SLC2A13: variants seen among roughly 807,000 people sequenced by gnomAD.
SLC2A13 encodes proton myo-inositol cotransporter.
Under a neutral mutation model 64.4 loss-of-function variants are expected in SLC2A13, and 32 were observed. The ratio of observed to expected loss-of-function variants is 0.50; its 90% CI spans 0.37 to 0.67. The LOEUF (loss-of-function observed/expected upper bound fraction) is 0.67, where lower values mean the gene tolerates loss of function less well. Among genes scored for constraint, SLC2A13 ranks in the 30% least tolerant of loss-of-function variants. The probability of loss-of-function intolerance (pLI) is 0.00; values close to 1 mark genes in which losing one functional copy is unlikely to be tolerated. For synonymous variants in SLC2A13, 338 were observed against 327.1 expected (o/e 1.03, Z -0.36); for missense variants, 743 against 829.2 (o/e 0.90, Z 1.28).
At chr12:39,764,436 A>G in intron 9 of SLC2A13, 24 bp downstream of exon 9, 2 of 1,529,230 alleles carry the variant, frequency 1.3e-6, no homozygotes, top group Non-Finnish European at 1.8e-6. Flanking sequence ...AAACAAAACT[A>G]TGTTAGAAAA....
intron 4 of SLC2A13, among the ~76,000 whole-genome samples, chr12:39,926,284 C>G (rs1278784857): frequency 6.6e-6 from 1 of 151,996 alleles, no homozygotes; most frequent in Non-Finnish European, 1.5e-5. Context: ...TGATAAATAT[C>G]TCTTTAGTCC....
rs1444523277 is a variant in SLC2A13, at chr12:40,037,368, C to A, written c.717-8859G>T. Among the ~76,000 whole-genome samples, 4 of 152,166 alleles carry A rather than the reference C, an allele frequency of 2.6e-5. No homozygotes were observed. The East Asian group carries it at 5.8e-4, about 22-fold the overall frequency. On this transcript the variant is annotated intron_variant, in intron 2 of 9. Transcript: ENST00000280871. ...GTGCAGTGGCCCACACCTCTAATCTCAGCAATTTGGTAGGCTGCAGTGGGT... is the reference window on the plus strand; with the variant it reads ...GTGCAGTGGCCCACACCTCTAATCTAAGCAATTTGGTAGGCTGCAGTGGGT...
chr12:39,996,713 C>T (rs1167464071), intron 3 of SLC2A13, among the ~76,000 whole-genome samples: 2 of 152,300 alleles, frequency 1.3e-5, no homozygotes, highest in East Asian at 1.9e-4. Context: ...AATCTTCAAG[C>T]CTTGGCACCT....
chr12:39,800,173 C>T (rs1425620836), intron 7 of SLC2A13, among the ~76,000 whole-genome samples: 1 of 152,144 alleles, frequency 6.6e-6, no homozygotes, highest in Non-Finnish European at 1.5e-5. Flanking sequence ...AAATCCTTGG[C>T]ATTTTTGCAG....
At chr12:39,812,996 A>ATTTTT (rs71449493) in intron 7 of SLC2A13, among the ~76,000 whole-genome samples, 19,851 of 40,442 alleles carry the variant, frequency 0.49, 8,913 homozygotes, top group East Asian at 0.55. Context: ...TGCCCAGCTA[A>ATTTTT]TTTTTTTTTT....
Position 40,094,211 on chromosome 12 carries a change from A to T in SLC2A13, c.556+11042T>A, listed in dbSNP as rs558886974. Reference sequence around the variant, plus strand: ...GGAGGAATGCTCTGACCTGCTAAGCAGGAGATGGTGGACAAAACAGGGAAG... The same window carrying T: ...GGAGGAATGCTCTGACCTGCTAAGCTGGAGATGGTGGACAAAACAGGGAAG... On this transcript the variant is annotated intron_variant, in intron 1 of 9. Coordinates refer to ENST00000280871, the MANE Select transcript of SLC2A13 (RefSeq NM_052885.4). 1.2e-4 allele frequency among the ~76,000 whole-genome samples: 18 copies of T among 152,360 alleles called. No homozygotes were observed. In the South Asian group the frequency reaches 3.7e-3, roughly 32 times the overall value.
chr12:39,941,268 T>A (rs766090641), intron 4 of SLC2A13, among the ~76,000 whole-genome samples: 8 of 152,158 alleles, frequency 5.3e-5, no homozygotes, highest in Non-Finnish European at 4.4e-5. Context: ...AATGACTTAT[T>A]TTCCTCTGGG....
chr12:39,904,606 C>G (rs1945217699), intron 4 of SLC2A13, among the ~76,000 whole-genome samples: 1 of 152,092 alleles, frequency 6.6e-6, no homozygotes, highest in Non-Finnish European at 1.5e-5. Flanking sequence ...GATATCCACA[C>G]AGATGTTGCA....
At chr12:39,948,975 G>A (rs1946184876) in intron 4 of SLC2A13, among the ~76,000 whole-genome samples, 1 of 152,062 alleles carries the variant, frequency 6.6e-6, no homozygotes, top group African/African-American at 2.4e-5. Context: ...CCTTAATCTT[G>A]AGAATAATGG....
rs535721683 is a variant in SLC2A13 at position 40,100,837 on chromosome 12, C to T, written c.556+4416G>A. 3.3e-5 allele frequency among the ~76,000 whole-genome samples: 5 copies of T among 151,764 alleles called. No individual in the cohort carries two copies. The East Asian group carries it at 7.8e-4, about 24-fold the overall frequency. ...AAATTAGCTGGGTGTGGTGGGCAGG[C>T]GCCTGTAATCCCAGCTACTCAGGAG... On this transcript the variant is annotated intron_variant, in intron 1 of 9. Coordinates refer to ENST00000280871, the MANE Select transcript of SLC2A13 (RefSeq NM_052885.4).
At chr12:39,943,919 G>GT (rs1490702051) in intron 4 of SLC2A13, among the ~76,000 whole-genome samples, 2 of 152,016 alleles carry the variant, frequency 1.3e-5, no homozygotes, top group Admixed American at 6.6e-5. Context: ...AGCTGCAGGA[G>GT]TTTTTTTTCA....
In SLC2A13 at chr12:39,821,842, T is replaced by C. The variant is rs1008977563; in HGVS notation, c.1445+8261A>G. Among the ~76,000 whole-genome samples, 22 of 152,258 alleles carry C rather than the reference T, an allele frequency of 1.4e-4. No homozygotes were observed. In the South Asian group the frequency reaches 1.7e-3, roughly 11 times the overall value. ...TCCCTTGGGAGTGGTAGCAGATACT[T>C]TGAACAATAATACAATCGATCACAC... On this transcript the variant is annotated intron_variant, in intron 7 of 9. Transcript: ENST00000280871.
chr12:39,797,756 A>G (rs1010057095), intron 7 of SLC2A13, among the ~76,000 whole-genome samples: 3 of 152,072 alleles, frequency 2.0e-5, no homozygotes, highest in Non-Finnish European at 4.4e-5. Flanking sequence ...ACACACACAC[A>G]CACACACACA....
intron 7 of SLC2A13, among the ~76,000 whole-genome samples, chr12:39,804,691 A>T (rs1941910018): frequency 1.3e-5 from 2 of 152,210 alleles, no homozygotes; most frequent in Non-Finnish European, 1.5e-5. Context: ...CACTAAACAG[A>T]ACGTCTGTCC....
At chr12:40,023,889 A>G (rs1947761912) in intron 3 of SLC2A13, among the ~76,000 whole-genome samples, 1 of 152,234 alleles carries the variant, frequency 6.6e-6, no homozygotes, top group Non-Finnish European at 1.5e-5. Context: ...AAAACGGTTT[A>G]CAGTCAAGTA....
intron 7 of SLC2A13, among the ~76,000 whole-genome samples, chr12:39,827,909 A>G (rs1161368349): frequency 2.6e-5 from 4 of 152,042 alleles, no homozygotes; most frequent in Admixed American, 6.6e-5. Flanking sequence ...ACAGTTAGAG[A>G]TCAGGATATA....
At chr12:39,990,522 G>A (rs1947116965) in intron 3 of SLC2A13, among the ~76,000 whole-genome samples, 1 of 152,196 alleles carries the variant, frequency 6.6e-6, no homozygotes, top group South Asian at 2.1e-4. Context: ...CTGTATTCTG[G>A]GGATAGTATC....
rs1947855543 is a variant in SLC2A13, at chr12:40,028,387, G to T, written c.839C>A (p.Ser280Tyr). 3 of 1,613,962 alleles carry T rather than the reference G, an allele frequency of 1.9e-6. No homozygotes were observed. The highest frequency in any genetic ancestry group is 2.5e-6 in the Non-Finnish European group (3 of 1,179,972). Residue 280 changes from serine (S) to tyrosine (Y), a missense_variant, in exon 3 of 10, where the codon TCT (serine) becomes TAT (tyrosine). Physicochemically the swap from Ser to Tyr is moderately radical, Grantham distance 144. Transcript: ENST00000280871. ...AATGGTCTGGTTACCACGCATCTGA[G>T]ATAAAATTCTACGGGCCTTCTGAGT... ...GQTQKARRILSQMRGNQTIDE... is the reference protein window; with the variant it reads ...GQTQKARRILYQMRGNQTIDE...
In SLC2A13 at chr12:39,871,948, T is replaced by C; in HGVS notation, c.1048A>G (p.Thr350Ala). 6.2e-7 allele frequency: 1 copy of C among 1,605,486 alleles called. No individual in the cohort carries two copies. The highest frequency in any genetic ancestry group is 1.1e-5 in the South Asian group (1 of 89,334). Residue 350 changes from threonine (T) to alanine (A), a missense_variant, in exon 5 of 10, where the codon ACC (threonine) becomes GCC (alanine). Transcript: ENST00000280871. ...TCAACACCAGACATCTGCAGAATGG[T>C]TGCACTGTAGTACCTGCAAAGCAAT... ...GINTIMYYSATILQMSGVEDD... is the reference protein window; with the variant it reads ...GINTIMYYSAAILQMSGVEDD...
Sources: allele counts gnomAD v4.1 joint callset (sites outside exome capture counted in the v4.1 genomes callset), GRCh38; gene constraint gnomAD v4.1.1; transcripts MANE v1.5; gene names NCBI Gene and HGNC (gene_info 2026-07-23, HGNC 2026-07-21).